UPRT: variants seen among roughly 807,000 people sequenced by gnomAD.
UPRT encodes uracil phosphoribosyltransferase homolog.
UPRT carries 5 observed loss-of-function variants against 22.6 expected under a neutral mutation model. The observed-to-expected ratio is 0.22, with a 90% CI of 0.12 to 0.47. The LOEUF (loss-of-function observed/expected upper bound fraction) is 0.47. Among genes scored for constraint, UPRT ranks in the 20% least tolerant of loss-of-function variants. The pLI is 0.99. For missense variants in UPRT, 181 were observed against 239.9 expected, an observed-to-expected ratio of 0.75 and a Z score of 1.62; for synonymous variants, 77 against 87.7, an observed-to-expected ratio of 0.88 and a Z score of 0.68.
upstream of UPRT, among the ~76,000 whole-genome samples, chrX:75,273,462 C>T (rs969728362): frequency 1.8e-5 from 2 of 111,365 alleles, no homozygotes; most frequent in African/African-American, 6.5e-5. Context: ...AAAAGTACTG[C>T]CCTAGACACT....
At chrX:75,187,370 T>C (rs1187020235) in intron 4 of UPRT, among the ~76,000 whole-genome samples, 1 of 111,962 alleles carries the variant, frequency 8.9e-6, no homozygotes, top group Non-Finnish European at 1.9e-5. Context: ...TTCTGGCTTG[T>C]AGAGTTTCTG....
intron 4 of UPRT, among the ~76,000 whole-genome samples, chrX:75,187,872 A>C (rs1162265652): frequency 8.9e-6 from 1 of 112,121 alleles, no homozygotes; most frequent in Non-Finnish European, 1.9e-5. Flanking sequence ...TTTCAGCTCC[A>C]TCAGCTCCTT....
intron 4 of UPRT, among the ~76,000 whole-genome samples, chrX:75,267,401 G>T (rs1435679661): frequency 9.0e-6 from 1 of 111,254 alleles, no homozygotes; most frequent in African/African-American, 3.3e-5. Flanking sequence ...ATGGGAAGGG[G>T]AATATCACAG....
chrX:75,209,283 A>G (rs1182031132), intron 4 of UPRT, among the ~76,000 whole-genome samples: 2 of 111,766 alleles, frequency 1.8e-5, no homozygotes, highest in African/African-American at 6.5e-5. Context: ...TGATGGGCCA[A>G]TGGATTCCAG....
chrX:75,254,732 T>C (rs1243187334), intron 4 of UPRT, among the ~76,000 whole-genome samples: 4 of 109,350 alleles, frequency 3.7e-5, no homozygotes, highest in Admixed American at 9.8e-5. Flanking sequence ...TTTCATCAGG[T>C]TATATAAAGT....
At chrX:75,289,499 C>G (rs1034361733) in intron 1 of UPRT, among the ~76,000 whole-genome samples, 2 of 110,098 alleles carry the variant, frequency 1.8e-5, no homozygotes, top group Admixed American at 1.9e-4. Flanking sequence ...CCAGAATAGC[C>G]AAAGCAATCC....
intron 4 of UPRT, among the ~76,000 whole-genome samples, chrX:75,248,947 T>A (rs1427880058): frequency 1.8e-5 from 2 of 111,577 alleles, no homozygotes; most frequent in Non-Finnish European, 3.8e-5. Flanking sequence ...GAATTTCATA[T>A]CCAGCCAAAC....
intron 5 of UPRT, 107 bp from the exon 6 acceptor site, chrX:75,300,760 C>G: frequency 1.7e-6 from 1 of 598,660 alleles, no homozygotes; most frequent in Non-Finnish European, 2.6e-6. Context: ...GCACTCCAGC[C>G]TGAGTGACAG....
intron 4 of UPRT, among the ~76,000 whole-genome samples, chrX:75,178,572 C>T (rs1049543343): frequency 9.0e-6 from 1 of 111,080 alleles, no homozygotes; most frequent in African/African-American, 3.3e-5. Context: ...TTTTGATGTT[C>T]AGATGTGTTC....
chrX:75,266,057 A>C (rs1185006674), intron 4 of UPRT, among the ~76,000 whole-genome samples: 1 of 111,491 alleles, frequency 9.0e-6, no homozygotes, highest in Non-Finnish European at 1.9e-5. Flanking sequence ...TCAAGCTACC[A>C]ATGACTTTCT....
chrX:75,231,399 C>G (rs2082438011), intron 4 of UPRT, among the ~76,000 whole-genome samples: 1 of 111,512 alleles, frequency 9.0e-6, no homozygotes, highest in Non-Finnish European at 1.9e-5. Flanking sequence ...CCAACAAAAG[C>G]AAAGGAAAAA....
intron 4 of UPRT, among the ~76,000 whole-genome samples, chrX:75,200,516 C>T (rs920871941): frequency 8.9e-6 from 1 of 112,358 alleles, no homozygotes; most frequent in Non-Finnish European, 1.9e-5. Context: ...ATCACTTGAA[C>T]CCAAGAGCCG....
intron 4 of UPRT, among the ~76,000 whole-genome samples, chrX:75,231,605 A>G (rs1260306615): frequency 1.8e-5 from 2 of 112,009 alleles, no homozygotes; most frequent in African/African-American, 6.5e-5. Flanking sequence ...AAGAGCACCC[A>G]GGAAATTCAT....
intron 4 of UPRT, among the ~76,000 whole-genome samples, chrX:75,218,215 A>C (rs1602457889): frequency 9.0e-6 from 1 of 111,246 alleles, no homozygotes; most frequent in East Asian, 2.8e-4. Context: ...ACCCCATCAA[A>C]AAGTGGGTGA....
chrX:75,274,266 G>A lies in UPRT; in HGVS notation c.12G>A (p.Glu4=). 1 of 1,206,543 alleles carries A rather than the reference G, an allele frequency of 8.3e-7. No individual in the cohort carries two copies. The highest frequency in any genetic ancestry group is 3.0e-5 in the East Asian group (1 of 33,771). The change falls in exon 1 of 7, where the codon GAG becomes GAA. Residue 4 remains glutamate, a synonymous_variant. Transcript: ENST00000373383. ...CCGGGGCCCGGTGTATGGCCACGGA[G>A]TTACAGTGTCCGGACTCCATGCCCT... MAT[E]LQCPDSMPCH... is the part of the protein sequence containing the mutation.
chrX:75,303,017 A>T (rs2082749716), intron 6 of UPRT, among the ~76,000 whole-genome samples: 1 of 111,242 alleles, frequency 9.0e-6, no homozygotes, highest in Non-Finnish European at 1.9e-5. Flanking sequence ...CTGAGATTAC[A>T]GGCTTGAGCC....
At chrX:75,272,750 T>C (rs760717727), upstream of UPRT, among the ~76,000 whole-genome samples, 8 of 109,255 alleles carry the variant, frequency 7.3e-5, no homozygotes, top group African/African-American at 2.3e-4. Flanking sequence ...AAAAAAATTA[T>C]AAAAAAATCT....
chrX:75,241,555 C>T (rs895434612), intron 4 of UPRT, among the ~76,000 whole-genome samples: 1 of 111,518 alleles, frequency 9.0e-6, no homozygotes, highest in Non-Finnish European at 1.9e-5. Flanking sequence ...CCATTTGATC[C>T]AGTAATCTCA....
intron 4 of UPRT, among the ~76,000 whole-genome samples, chrX:75,222,045 GC>G (rs1322695019): frequency 8.9e-6 from 1 of 111,881 alleles, no homozygotes; most frequent in African/African-American, 3.3e-5. Context: ...GCATTAGAGG[GC>G]CCTCCAGTCC....
Sources: allele counts gnomAD v4.1 joint callset (sites outside exome capture counted in the v4.1 genomes callset), GRCh38; gene constraint gnomAD v4.1.1; transcripts MANE v1.5; gene names NCBI Gene and HGNC (gene_info 2026-07-23, HGNC 2026-07-21).